Variants in LUC7L2 observed in about 807,000 individuals in gnomAD.
LUC7L2 encodes the protein putative RNA-binding protein Luc7-like 2.
A neutral mutation model predicts 52.8 loss-of-function variants in LUC7L2; 25 were observed. The ratio of observed to expected loss-of-function variants is 0.47; its 90% CI spans 0.34 to 0.66. LUC7L2 has a LOEUF of 0.66. Ranked by LOEUF, LUC7L2 falls within the 30% of genes least tolerant of loss-of-function variation. LUC7L2 has a pLI of 0.01. For synonymous variants in LUC7L2, 144 were observed against 160.9 expected, an observed-to-expected ratio of 0.89 and a Z score of 0.80; for missense variants, 328 against 497.8, an observed-to-expected ratio of 0.66 and a Z score of 3.25.
intron 1 of LUC7L2, among the ~76,000 whole-genome samples, chr7:139,362,140 T>G (rs919652116): frequency 6.6e-5 from 10 of 152,130 alleles, no homozygotes; most frequent in Non-Finnish European, 2.9e-5. Flanking sequence ...TTAGAGGATT[T>G]ATGATCGAAC....
rs755882814 is a variant in LUC7L2 at position 139,417,669 on chromosome 7, G to A, written c.941G>A (p.Arg314His). The change falls in exon 9 of 10, where the codon CGT becomes CAT. Residue 314 changes from arginine (R) to histidine (H), a missense_variant. By Grantham distance (29) the Arg-to-His change is conservative. Around this residue, in one of 2 missense-constraint regions of LUC7L2, gnomAD observed 195 missense variants for 223.3 expected, o/e 0.87. Transcript: ENST00000354926. ...CGCTCCAGCAGCCGTAGCCGCAGCC[G>A]TAGCCACCAGAGAAGTCGGCACAGT... is the stretch of plus-strand genomic sequence containing the variant. Reference protein sequence around the residue: ...RSRSSSRSRSRSHQRSRHSSR... With the variant: ...RSRSSSRSRSHSHQRSRHSSR... 5.6e-6 allele frequency: 9 copies of A among 1,614,062 alleles called. No individual in the cohort carries two copies. Among genetic ancestry groups the A allele is most frequent in the Middle Eastern group, 1.6e-4 (1 of 6,084 alleles).
At chr7:139,341,443 A>G (rs1798956056) in intron 1 of LUC7L2, 1 of 1,613,566 alleles carries the variant, frequency 6.2e-7, no homozygotes, top group Non-Finnish European at 8.5e-7. Flanking sequence ...GAGTTGCGCT[A>G]CCTGAGCGCG....
At chr7:139,347,688 T>TAAA (rs57097342) in intron 1 of LUC7L2, among the ~76,000 whole-genome samples, 6 of 151,834 alleles carry the variant, frequency 4.0e-5, no homozygotes, top group Middle Eastern at 3.4e-3. Context: ...ACTGAATGTA[T>TAAA]AAAAAAAAGA....
intron 2 of LUC7L2, among the ~76,000 whole-genome samples, chr7:139,396,814 T>C (rs1201035683): frequency 6.6e-6 from 1 of 152,226 alleles, no homozygotes; most frequent in African/African-American, 2.4e-5. Flanking sequence ...ATGCTGTAAC[T>C]GTTACTCTTG....
Position 139,376,048 on chromosome 7 carries a change from C to T in LUC7L2, c.62-14C>T. The T allele has an allele frequency of 6.2e-7, 1 of 1,613,012 alleles. No homozygotes were observed. Among genetic ancestry groups the T allele is most frequent in the South Asian group, 1.1e-5 (1 of 91,002 alleles). On this transcript the variant is annotated splice_polypyrimidine_tract_variant and intron_variant, in intron 1 of 9. Coordinates refer to ENST00000354926, the MANE Select transcript of LUC7L2 (RefSeq NM_016019.5). ...TGTCTAACCTTGAATGTTATTAACTCTTCTATATTACAGGAGATACAACTC... is the reference window on the plus strand; with the variant it reads ...TGTCTAACCTTGAATGTTATTAACTTTTCTATATTACAGGAGATACAACTC...
At chr7:139,374,345 G>A (rs1308363255) in intron 1 of LUC7L2, 2 of 1,307,178 alleles carry the variant, frequency 1.5e-6, no homozygotes, top group Admixed American at 2.0e-5. Context: ...TGAAATTGCT[G>A]GCAGAGTTTA....
chr7:139,372,346 A>G (rs934952138), intron 1 of LUC7L2, among the ~76,000 whole-genome samples: 4 of 152,222 alleles, frequency 2.6e-5, no homozygotes, highest in Admixed American at 2.0e-4. Context: ...CAACTCTGCA[A>G]TTCTACATGA....
rs904701725 is a variant in LUC7L2 at position 139,391,602 on chromosome 7, TG to T, written c.157-6990del. Among the ~76,000 whole-genome samples the T allele has an allele frequency of 3.3e-5, 5 of 151,952 alleles. 1 individual carries two copies. The highest frequency in any genetic ancestry group is 2.6e-4 in the Admixed American group (4 of 15,254). The stretch of plus-strand genomic sequence containing the variant: ...ATTAAATTGGCTTCTTTTTTTTTGG[TG>T]GGGGGGACAGGGTCTCAGTCTGTCA... On this transcript the variant is annotated intron_variant, in intron 2 of 9. Coordinates refer to ENST00000354926, the MANE Select transcript of LUC7L2 (RefSeq NM_016019.5).
chr7:139,362,051 G>A (rs1396417618), intron 1 of LUC7L2, among the ~76,000 whole-genome samples: 3 of 151,844 alleles, frequency 2.0e-5, no homozygotes, highest in Non-Finnish European at 4.4e-5. Context: ...GTAGTCAGCA[G>A]AAACATGGAT....
chr7:139,385,354 A>C (rs1051405674), intron 2 of LUC7L2, among the ~76,000 whole-genome samples: 2 of 127,950 alleles, frequency 1.6e-5, no homozygotes, highest in African/African-American at 2.7e-5. Context: ...ACAGGTTCTC[A>C]TTCTGGCACC....
chr7:139,403,746 G>C (rs1368060229), intron 4 of LUC7L2, among the ~76,000 whole-genome samples: 1 of 152,232 alleles, frequency 6.6e-6, no homozygotes, highest in African/African-American at 2.4e-5. Flanking sequence ...GATTTAGGCT[G>C]AACTTGACTG....
chr7:139,420,125 C>CTATCT (rs1392078494), intron 9 of LUC7L2, among the ~76,000 whole-genome samples: 1 of 152,222 alleles, frequency 6.6e-6, no homozygotes, highest in African/African-American at 2.4e-5. Context: ...TTGCATCTAT[C>CTATCT]TATCTTTTTG....
In LUC7L2 at chr7:139,417,633, G is replaced by A. The variant is rs766806319; in HGVS notation, c.905G>A (p.Arg302His). The A allele has an allele frequency of 3.1e-5, 50 of 1,614,024 alleles. No homozygotes were observed. The Admixed American group carries it at 5.8e-4, about 19-fold the overall frequency. ...TRSKSREKRHRHRSRSSSRSR... is the reference protein window; with the variant it reads ...TRSKSREKRHHHRSRSSSRSR... ...TCCAAATCTCGGGAGAAACGCCATCGCCACAGGTCCCGCTCCAGCAGCCGT... is the reference window on the plus strand; with the variant it reads ...TCCAAATCTCGGGAGAAACGCCATCACCACAGGTCCCGCTCCAGCAGCCGT... Residue 302 changes from arginine (R) to histidine (H), a missense_variant, in exon 9 of 10, where the codon CGC becomes CAC. Arg to His is a conservative substitution (Grantham distance 29, BLOSUM62 0). Coordinates refer to ENST00000354926, the MANE Select transcript of LUC7L2 (RefSeq NM_016019.5).
chr7:139,343,558 C>T (rs1160316392), intron 1 of LUC7L2, among the ~76,000 whole-genome samples: 1 of 152,094 alleles, frequency 6.6e-6, no homozygotes, highest in Non-Finnish European at 1.5e-5. Flanking sequence ...CCAGCATAGG[C>T]CACGGAGCGA....
At chr7:139,376,817 A>G (rs1800736076) in intron 2 of LUC7L2, among the ~76,000 whole-genome samples, 1 of 152,202 alleles carries the variant, frequency 6.6e-6, no homozygotes, top group Non-Finnish European at 1.5e-5. Flanking sequence ...GTTGCATCTG[A>G]TGCTGGTGGG....
intron 1 of LUC7L2, chr7:139,374,958 T>TA (rs1800630845): frequency 4.1e-6 from 4 of 987,124 alleles, no homozygotes; most frequent in Non-Finnish European, 4.8e-6. Context: ...TCATGTGAAA[T>TA]ACAGAGGTAT....
At chr7:139,347,803 T>G (rs1449175421) in intron 1 of LUC7L2, among the ~76,000 whole-genome samples, 1 of 152,068 alleles carries the variant, frequency 6.6e-6, no homozygotes, top group Non-Finnish European at 1.5e-5. Flanking sequence ...CAGGTTCAAG[T>G]GATTCTTCTG....
chr7:139,413,012 C>T (rs928005313), intron 8 of LUC7L2, among the ~76,000 whole-genome samples: 5 of 152,070 alleles, frequency 3.3e-5, no homozygotes, highest in African/African-American at 1.2e-4. Context: ...GATTGATCCA[C>T]TGTGGGTTAA....
chr7:139,343,735 G>A (rs1438371297), intron 1 of LUC7L2, among the ~76,000 whole-genome samples: 2 of 151,986 alleles, frequency 1.3e-5, no homozygotes, highest in Non-Finnish European at 2.9e-5. Context: ...AGGAGTTCAC[G>A]ACCAGCCTGG....
Sources: allele counts gnomAD v4.1 joint callset (sites outside exome capture counted in the v4.1 genomes callset), GRCh38; gene constraint gnomAD v4.1.1; regional missense constraint gnomAD v4.1.1; transcripts MANE v1.5; gene names NCBI Gene and HGNC (gene_info 2026-07-23, HGNC 2026-07-21).